Variants in SYT14 observed in about 807,000 individuals in gnomAD.
SYT14 encodes synaptotagmin-14.
A neutral mutation model predicts 74.2 loss-of-function variants in SYT14; 32 were observed. That is an observed-to-expected ratio of 0.43 (90% CI 0.33 to 0.58). The LOEUF (loss-of-function observed/expected upper bound fraction) is 0.58. Among genes scored for constraint, SYT14 ranks in the 20% least tolerant of loss-of-function variants. SYT14 has a pLI of 0.05. For synonymous variants in SYT14, 298 were observed against 337.7 expected (o/e 0.88, Z 1.29); for missense variants, 791 against 981.8 (o/e 0.81, Z 2.60).
At chr1:209,987,938 GT>G (rs1475185688) in intron 2 of SYT14, among the ~76,000 whole-genome samples, 3 of 152,004 alleles carry the variant, frequency 2.0e-5, no homozygotes, top group Non-Finnish European at 2.9e-5. Flanking sequence ...CCTTTGTGTA[GT>G]TTTCTTCGTT....
chr1:209,986,456 A>T (rs75456071), intron 2 of SYT14, among the ~76,000 whole-genome samples: 34,149 of 151,382 alleles, frequency 0.23, 4,135 homozygotes, highest in Middle Eastern at 0.3. Flanking sequence ...ATAATAATTT[A>T]AAAAAAATTA....
chr1:210,043,354 A>G (rs1166160900), intron 5 of SYT14, among the ~76,000 whole-genome samples: 1 of 152,168 alleles, frequency 6.6e-6, no homozygotes, highest in Non-Finnish European at 1.5e-5. Flanking sequence ...TCTTCTAATG[A>G]AAACCTACCA....
At chr1:210,156,430 T>A (rs12076594) in intron 8 of SYT14, among the ~76,000 whole-genome samples, 1,996 of 152,242 alleles carry the variant, frequency 0.013, 35 homozygotes, top group African/African-American at 0.045. Flanking sequence ...TTAGATGGAA[T>A]GGGCTTTGCT....
chr1:210,066,739 A>G (rs1308245300), intron 5 of SYT14, among the ~76,000 whole-genome samples: 2 of 152,044 alleles, frequency 1.3e-5, no homozygotes, highest in African/African-American at 2.4e-5. Context: ...ATTAGATCCC[A>G]TTTGTCAATT....
At chr1:209,976,569 C>T (rs1287981992) in intron 2 of SYT14, among the ~76,000 whole-genome samples, 61 of 151,434 alleles carry the variant, frequency 4.0e-4, no homozygotes, top group African/African-American at 1.3e-3. Flanking sequence ...GTCTGAGAGA[C>T]AGTTTGTTAT....
chr1:210,016,622 A>G, exon 4 of SYT14: 1 of 1,231,966 alleles, frequency 8.1e-7, no homozygotes, highest in South Asian at 4.1e-5. Flanking sequence ...TGCCAACGGA[A>G]TAAACAAATT....
In SYT14 at chr1:209,973,875, GT is replaced by G. The variant is rs567650357; in HGVS notation, c.-486+21122del. Among the ~76,000 whole-genome samples the G allele has an allele frequency of 5.5e-3, 838 of 152,222 alleles. 10 individuals carry two copies. The highest frequency in any genetic ancestry group is 0.02 in the African/African-American group (814 of 41,530). On this transcript the variant is annotated intron_variant, in intron 2 of 9. Transcript: ENST00000637265. ...CTCCACATCCTCTCCAGCACCTGTT[GT>G]TTCCTGACTTTTTAATGATCGCCAT...
At chr1:209,980,461 ATT>A (rs760764460) in intron 2 of SYT14, among the ~76,000 whole-genome samples, 4 of 151,976 alleles carry the variant, frequency 2.6e-5, no homozygotes, top group Non-Finnish European at 4.4e-5. Flanking sequence ...ATTAGATCCT[ATT>A]TGTTAGTTTT....
intron 7 of SYT14, among the ~76,000 whole-genome samples, chr1:210,146,961 A>G (rs936508496): frequency 2.0e-5 from 3 of 152,030 alleles, no homozygotes; most frequent in Non-Finnish European, 4.4e-5. Context: ...AACTTAGGCT[A>G]TACAATTCCC....
At chr1:210,081,076 C>A (rs2081607006) in intron 5 of SYT14, among the ~76,000 whole-genome samples, 3 of 152,134 alleles carry the variant, frequency 2.0e-5, no homozygotes. Flanking sequence ...AGGAAATTGC[C>A]AGTGTACGGC....
At position 210,010,745 on chromosome 1, in the gene SYT14, G is replaced by C. The variant is rs371755475; in HGVS notation, c.-485-2888G>C. Among the ~76,000 whole-genome samples the C allele has an allele frequency of 2.0e-5, 3 of 152,286 alleles. No homozygotes were observed. In the East Asian group the frequency reaches 5.8e-4, roughly 29 times the overall value. On this transcript the variant is annotated intron_variant, in intron 2 of 9. Coordinates refer to ENST00000637265, the Ensembl canonical transcript of SYT14. ...TGAGGCAAGGGATAGAAAGAGGCAAGAAGAGGAGAGAAGGAAAACAGAAGC... is the reference window on the plus strand; with the variant it reads ...TGAGGCAAGGGATAGAAAGAGGCAACAAGAGGAGAGAAGGAAAACAGAAGC...
At chr1:210,092,985 G>A (rs1028642926) in intron 5 of SYT14, among the ~76,000 whole-genome samples, 27 of 152,152 alleles carry the variant, frequency 1.8e-4, no homozygotes, top group South Asian at 1.2e-3. Context: ...TTTATAACAG[G>A]TACTTGAGCA....
intron 5 of SYT14, among the ~76,000 whole-genome samples, chr1:210,030,139 T>G (rs1262877246): frequency 6.6e-6 from 1 of 151,770 alleles, no homozygotes; most frequent in East Asian, 1.9e-4. Flanking sequence ...GTTTTTTTTG[T>G]TTTTGTTTTT....
At chr1:209,953,126 T>A in intron 2 of SYT14, 1 of 1,297,368 alleles carries the variant, frequency 7.7e-7, no homozygotes, top group Non-Finnish European at 1.0e-6. Context: ...CAGAGAGATG[T>A]GAGGAGTTGG....
chr1:210,066,334 G>C (rs2081295949), intron 5 of SYT14, among the ~76,000 whole-genome samples: 1 of 151,962 alleles, frequency 6.6e-6, no homozygotes, highest in Non-Finnish European at 1.5e-5. Context: ...CTAGTTTACA[G>C]TCCCACCAAC....
In SYT14 at chr1:209,992,875, C is replaced by CA. The variant is rs572756730; in HGVS notation, c.-485-20757dup. 5.0e-3 allele frequency among the ~76,000 whole-genome samples: 763 copies of CA among 152,208 alleles called. 8 individuals are homozygous for CA. The highest frequency in any genetic ancestry group is 6.5e-3 in the Non-Finnish European group (444 of 68,012). ...ATGGAAAGGCGACACTGAAGCTGAG[C>CA]ATGAAGGTGGGGAAGCTGGGAACAC... is the stretch of plus-strand genomic sequence containing the variant. On this transcript the variant is annotated intron_variant, in intron 2 of 9. Transcript: ENST00000637265.
At chr1:210,117,378 A>G (rs1377003509) in intron 7 of SYT14, among the ~76,000 whole-genome samples, 1 of 152,170 alleles carries the variant, frequency 6.6e-6, no homozygotes, top group Non-Finnish European at 1.5e-5. Flanking sequence ...TTTCATATTC[A>G]GTATAATTCA....
intron 5 of SYT14, among the ~76,000 whole-genome samples, chr1:210,035,977 T>G (rs2080653099): frequency 6.6e-6 from 1 of 152,042 alleles, no homozygotes; most frequent in Non-Finnish European, 1.5e-5. Context: ...TTACACTGAA[T>G]CTATAGAACA....
intron 5 of SYT14, among the ~76,000 whole-genome samples, chr1:210,078,593 G>A (rs955678706): frequency 1.3e-5 from 2 of 152,050 alleles, no homozygotes; most frequent in African/African-American, 4.8e-5. Context: ...TATGGTGTGG[G>A]TTCTGGTTCA....
Sources: gnomAD v4.1 joint callset for allele counts (sites outside exome capture counted in the v4.1 genomes callset) on GRCh38, gnomAD v4.1.1 for gene constraint, MANE v1.5 for transcripts, NCBI Gene and HGNC (gene_info 2026-07-23, HGNC 2026-07-21) for gene names.